The following CADM2 variants were observed in gnomAD, a reference collection of about 807,000 sequenced individuals.
The protein encoded by CADM2 is cell adhesion molecule 2.
A neutral mutation model predicts 49.8 loss-of-function variants in CADM2; 12 were observed. That is an observed-to-expected ratio of 0.24 (90% CI 0.15 to 0.39). The LOEUF is 0.39. Among genes scored for constraint, CADM2 ranks in the 10% least tolerant of loss-of-function variants. The probability of loss-of-function intolerance (pLI) is 1.00; values close to 1 mark genes in which losing one functional copy is unlikely to be tolerated. For missense variants in CADM2, 378 were observed against 492.3 expected (o/e 0.77, Z 2.20); for synonymous variants, 214 against 175.4 (o/e 1.22, Z -1.74).
At chr3:85,970,507 A>T (rs1017113457) in intron 8 of CADM2, among the ~76,000 whole-genome samples, 3 of 151,612 alleles carry the variant, frequency 2.0e-5, no homozygotes, top group African/African-American at 7.2e-5. Context: ...TTACCTGTAA[A>T]TAGACATTCA....
chr3:85,478,416 G>T (rs1280716167), intron 1 of CADM2, among the ~76,000 whole-genome samples: 1 of 151,828 alleles, frequency 6.6e-6, no homozygotes, highest in African/African-American at 2.4e-5. Flanking sequence ...TGTCTCTATA[G>T]TGTCTCTGAA....
chr3:85,301,932 A>AT (rs2044111377), intron 1 of CADM2, among the ~76,000 whole-genome samples: 2 of 151,984 alleles, frequency 1.3e-5, no homozygotes, highest in African/African-American at 2.4e-5. Context: ...TAATAACTGA[A>AT]TTTTTTTGTA....
intron 1 of CADM2, among the ~76,000 whole-genome samples, chr3:85,135,978 C>T (rs536862057): frequency 7.2e-5 from 11 of 152,072 alleles, no homozygotes; most frequent in Non-Finnish European, 1.6e-4. Flanking sequence ...TAGCAATCTA[C>T]AAATCTCGCT....
At chr3:85,561,717 A>G (rs1242779842) in intron 1 of CADM2, among the ~76,000 whole-genome samples, 3 of 152,166 alleles carry the variant, frequency 2.0e-5, no homozygotes, top group Non-Finnish European at 4.4e-5. Flanking sequence ...ATCTGTTCAT[A>G]TGTTCATTCA....
chr3:85,212,597 C>T (rs1056231997), intron 1 of CADM2, among the ~76,000 whole-genome samples: 1 of 152,000 alleles, frequency 6.6e-6, no homozygotes, highest in Non-Finnish European at 1.5e-5. Context: ...TTAACTTCAT[C>T]TCACACTTCT....
In CADM2 at chr3:85,909,599, C is replaced by A. The variant is rs143522899; in HGVS notation, c.530-2774C>A. Among the ~76,000 whole-genome samples the A allele has an allele frequency of 6.9e-3, 1,046 of 152,154 alleles. 14 individuals are homozygous for A. The highest frequency in any genetic ancestry group is 0.022 in the African/African-American group (919 of 41,532). On this transcript the variant is annotated intron_variant, in intron 5 of 9. Transcript: ENST00000383699. ...ATATGGTCTGTGGGCTAGCAGCAGA[C>A]TCTCAGACTCCACACTCTAACCTAC...
intron 9 of CADM2, among the ~76,000 whole-genome samples, chr3:86,066,383 C>T (rs1419216069): frequency 1.5e-5 from 2 of 129,812 alleles, no homozygotes; most frequent in African/African-American, 6.0e-5. Context: ...ACCCTGTTTG[C>T]TACAGCTGTA....
chr3:85,899,067 G>A (rs1715741903), intron 5 of CADM2, among the ~76,000 whole-genome samples: 1 of 145,592 alleles, frequency 6.9e-6, no homozygotes, highest in Non-Finnish European at 1.5e-5. Flanking sequence ...CTGGGTTGGA[G>A]CAATTCTCCT....
chr3:85,112,963 A>G (rs1470180087), intron 1 of CADM2, among the ~76,000 whole-genome samples: 1 of 151,902 alleles, frequency 6.6e-6, no homozygotes, highest in Non-Finnish European at 1.5e-5. Flanking sequence ...TTGCATATAT[A>G]CAATTTAATA....
chr3:85,575,536 G>A (rs2062606728), intron 1 of CADM2, among the ~76,000 whole-genome samples: 2 of 152,184 alleles, frequency 1.3e-5, no homozygotes, highest in South Asian at 4.1e-4. Context: ...GGGCGACAGA[G>A]CGAGACTCCG....
At chr3:85,575,529 C>T (rs753855905) in intron 1 of CADM2, among the ~76,000 whole-genome samples, 9 of 151,800 alleles carry the variant, frequency 5.9e-5, no homozygotes, top group Non-Finnish European at 1.2e-4. Context: ...CCAGCCTGGG[C>T]GACAGAGCGA....
chr3:85,054,290 A>G (rs73843273), intron 1 of CADM2, among the ~76,000 whole-genome samples: 7,260 of 151,902 alleles, frequency 0.048, 558 homozygotes, highest in African/African-American at 0.16. Context: ...TGGCAGAGAC[A>G]GAAGACTTTC....
intron 1 of CADM2, among the ~76,000 whole-genome samples, chr3:85,397,051 TACAAC>T (rs975941690): frequency 2.0e-5 from 3 of 151,984 alleles, no homozygotes; most frequent in Non-Finnish European, 4.4e-5. Flanking sequence ...TAAAAACTCC[TACAAC>T]ACAACAACAA....
Position 85,833,967 on chromosome 3 carries a change from A to G in CADM2, c.238+31771A>G, listed in dbSNP as rs930235329. On this transcript the variant is annotated intron_variant, in intron 3 of 9. Transcript: ENST00000383699. ...CTTTGAGTAGTATGAACATTTTAACAGTACTAATTCTTCCAATCCATGTAC... is the reference window on the plus strand; with the variant it reads ...CTTTGAGTAGTATGAACATTTTAACGGTACTAATTCTTCCAATCCATGTAC... Among the ~76,000 whole-genome samples, 25 of 151,780 alleles carry G rather than the reference A, an allele frequency of 1.6e-4. No individual in the cohort carries two copies. In the South Asian group the frequency reaches 4.6e-3, roughly 28 times the overall value.
At chr3:85,860,224 G>T (rs1258464079) in intron 3 of CADM2, among the ~76,000 whole-genome samples, 2 of 151,870 alleles carry the variant, frequency 1.3e-5, no homozygotes, top group African/African-American at 2.4e-5. Flanking sequence ...ATATTCCTTG[G>T]TTACTTATTT....
chr3:85,092,144 C>A (rs946671872), intron 1 of CADM2, among the ~76,000 whole-genome samples: 1 of 152,026 alleles, frequency 6.6e-6, no homozygotes, highest in African/African-American at 2.4e-5. Context: ...AAAAACAATG[C>A]GCCCTGTCCT....
intron 1 of CADM2, among the ~76,000 whole-genome samples, chr3:85,627,122 T>C (rs980271537): frequency 2.6e-5 from 4 of 152,042 alleles, no homozygotes; most frequent in Non-Finnish European, 5.9e-5. Flanking sequence ...AAAAATTCCT[T>C]CACTATTTTG....
At chr3:85,705,804 A>G (rs2066929555) in intron 1 of CADM2, among the ~76,000 whole-genome samples, 1 of 152,218 alleles carries the variant, frequency 6.6e-6, no homozygotes, top group Non-Finnish European at 1.5e-5. Context: ...ATTGGAGTCT[A>G]CTTTAAATTC....
At chr3:85,994,201 A>G (rs1729098099) in intron 8 of CADM2, 1 of 152,242 alleles carries the variant, frequency 6.6e-6, no homozygotes, top group Admixed American at 6.5e-5. Context: ...TAGCTTCTCC[A>G]TCAGCCCTTG....
Sources: allele counts gnomAD v4.1 joint callset (sites outside exome capture counted in the v4.1 genomes callset), GRCh38; gene constraint gnomAD v4.1.1; transcripts MANE v1.5; gene names NCBI Gene and HGNC (gene_info 2026-07-23, HGNC 2026-07-21).